The following SYT16 variants were observed in gnomAD, a reference collection of about 807,000 sequenced individuals.
SYT16 encodes synaptotagmin-16.
SYT16 carries 42 observed loss-of-function variants against 61.4 expected under a neutral mutation model. That is an observed-to-expected ratio of 0.68 (90% CI 0.53 to 0.89). The LOEUF (loss-of-function observed/expected upper bound fraction) is 0.89. SYT16 is among the 40% of genes least tolerant of loss of function. The pLI, the probability that SYT16 is intolerant of heterozygous loss-of-function variation, is 0.00. For synonymous variants in SYT16, 314 were observed against 302.3 expected (o/e 1.04, Z -0.40); for missense variants, 804 against 807.3 (o/e 1.00, Z 0.05).
intron 1 of SYT16, among the ~76,000 whole-genome samples, chr14:61,848,487 T>G (rs1594753288): frequency 6.6e-6 from 1 of 152,156 alleles, no homozygotes; most frequent in Admixed American, 6.5e-5. Context: ...TAAGCACCCC[T>G]GTGGCCACCA....
intron 1 of SYT16, among the ~76,000 whole-genome samples, chr14:61,887,935 A>G (rs2047971160): frequency 6.6e-6 from 1 of 152,146 alleles, no homozygotes; most frequent in South Asian, 2.1e-4. Context: ...TCTCCTTTGC[A>G]TTCACAACTT....
At chr14:61,982,233 C>G (rs2052110000) in intron 2 of SYT16, among the ~76,000 whole-genome samples, 2 of 152,090 alleles carry the variant, frequency 1.3e-5, no homozygotes, top group African/African-American at 4.8e-5. Flanking sequence ...TGCTTTTTGC[C>G]TGGTTGATAG....
chr14:61,879,874 T>A (rs1322303173), intron 1 of SYT16, among the ~76,000 whole-genome samples: 1 of 152,244 alleles, frequency 6.6e-6, no homozygotes, highest in African/African-American at 2.4e-5. Context: ...TTTGGATTTT[T>A]GTCCTTCTAC....
At chr14:61,931,364 C>CT (rs977636865) in intron 1 of SYT16, among the ~76,000 whole-genome samples, 7 of 151,730 alleles carry the variant, frequency 4.6e-5, no homozygotes, top group Admixed American at 1.3e-4. Flanking sequence ...CTCTTATTTT[C>CT]TTTTTTTTAA....
intron 7 of SYT16, among the ~76,000 whole-genome samples, chr14:62,085,017 T>C (rs1173087192): frequency 6.6e-6 from 1 of 152,226 alleles, no homozygotes; most frequent in African/African-American, 2.4e-5. Context: ...AATGCAGGAC[T>C]GGCTTTCTAG....
chr14:62,110,237 T>C lies in SYT16; in HGVS notation c.*9530T>C, dbSNP rs2057584001. 6.6e-6 allele frequency: 1 copy of C among 152,290 alleles called. No individual in the cohort carries two copies. Among genetic ancestry groups the C allele is most frequent in the Admixed American group, 6.5e-5 (1 of 15,294 alleles). The allele number at this position is 152,290 out of a possible 1,614,324, so 9.4% of individuals were successfully genotyped here. On this transcript the variant is annotated 3_prime_UTR_variant, in exon 8 of 8. Transcript: ENST00000683842. ...TTCCACTAATGAGCTCTAAAATGAA[T>C]ATCAAGTCACAATTTTTTCAAGCCT...
chr14:62,032,227 C>T (rs1432513153), intron 3 of SYT16, among the ~76,000 whole-genome samples: 1 of 152,092 alleles, frequency 6.6e-6, no homozygotes, highest in African/African-American at 2.4e-5. Context: ...TGATTGCTAG[C>T]ACCTGAACAT....
In SYT16 at chr14:62,047,517, T is replaced by C. The variant is rs973958204; in HGVS notation, c.524-22086T>C. Among the ~76,000 whole-genome samples, 30 of 152,278 alleles carry C rather than the reference T, an allele frequency of 2.0e-4. 1 individual carries two copies. The highest frequency in any genetic ancestry group is 5.8e-4 in the African/African-American group (24 of 41,556). On this transcript the variant is annotated intron_variant, in intron 3 of 7. Coordinates refer to ENST00000683842, the MANE Select transcript of SYT16 (RefSeq NM_001367656.1). ...CCAGAACTTCCAACACTATGTTGAA[T>C]AGGAGTGGTGAGAGAGGGCATCCCT...
chr14:61,859,538 CAG>C (rs1350942105), intron 1 of SYT16, among the ~76,000 whole-genome samples: 1 of 151,980 alleles, frequency 6.6e-6, no homozygotes, highest in Non-Finnish European at 1.5e-5. Context: ...TCTCTCTCGA[CAG>C]AGAGAGCTGT....
At chr14:62,023,535 G>A (rs1451140516) in intron 3 of SYT16, among the ~76,000 whole-genome samples, 3 of 152,038 alleles carry the variant, frequency 2.0e-5, no homozygotes, top group African/African-American at 7.2e-5. Flanking sequence ...CAGCTGCTTT[G>A]GCTGATTTTA....
At position 62,101,617 on chromosome 14, in the gene SYT16, C is replaced by A. The variant is rs2057420478; in HGVS notation, c.*910C>A. 1 of 152,116 alleles carries A rather than the reference C, an allele frequency of 6.6e-6. No homozygotes were observed. The highest frequency in any genetic ancestry group is 2.4e-5 in the African/African-American group (1 of 41,400). The allele number at this position is 152,116 out of a possible 1,614,324, so 9.4% of individuals were successfully genotyped here. A position where few individuals can be genotyped will look rare whatever the true frequency, so the allele number is the denominator to read the frequency against. On this transcript the variant is annotated 3_prime_UTR_variant, in exon 8 of 8. Transcript: ENST00000683842. Reference sequence around the variant, plus strand: ...ATATTTTGAATGTACTGCATGTAAACCATGCTCTTTTTAAACTGAGTATTT... The same window carrying A: ...ATATTTTGAATGTACTGCATGTAAAACATGCTCTTTTTAAACTGAGTATTT...
intron 1 of SYT16, among the ~76,000 whole-genome samples, chr14:61,924,607 C>T (rs2140412483): frequency 6.6e-6 from 1 of 152,254 alleles, no homozygotes; most frequent in South Asian, 2.1e-4. Flanking sequence ...GTGCTATCGG[C>T]TACATATTGC....
chr14:61,972,448 C>T (rs769287921), intron 2 of SYT16, among the ~76,000 whole-genome samples: 1 of 152,132 alleles, frequency 6.6e-6, no homozygotes, highest in Non-Finnish European at 1.5e-5. Flanking sequence ...GCTGTTCACT[C>T]AGGAAACACT....
At chr14:62,066,317 G>C (rs979300721) in intron 3 of SYT16, among the ~76,000 whole-genome samples, 4 of 152,188 alleles carry the variant, frequency 2.6e-5, no homozygotes, top group African/African-American at 9.7e-5. Flanking sequence ...CTTTAAATCA[G>C]ATCTTGGTTC....
intron 1 of SYT16, among the ~76,000 whole-genome samples, chr14:61,854,093 C>T (rs954723558): frequency 2.0e-4 from 31 of 152,106 alleles, no homozygotes; most frequent in Admixed American, 1.3e-3. Flanking sequence ...CACACCCCCA[C>T]CCCAATATGT....
rs1309408781 is a variant in SYT16, at chr14:62,110,327, TAGGA to T, written c.*9622_*9625del. 6.6e-6 allele frequency: 1 copy of T among 152,112 alleles called. No homozygotes were observed. The highest frequency in any genetic ancestry group is 1.5e-5 in the Non-Finnish European group (1 of 67,964). The allele number at this position is 152,112 out of a possible 1,614,324, so 9.4% of individuals were successfully genotyped here. A position where few individuals can be genotyped will look rare whatever the true frequency, so the allele number is the denominator to read the frequency against. On this transcript the variant is annotated 3_prime_UTR_variant, in exon 8 of 8. Coordinates refer to ENST00000683842, the MANE Select transcript of SYT16 (RefSeq NM_001367656.1). ...TTTACCTATTTTTACCAGGTGGTTGTAGGAACAGGATTCATTCATTCCTTCATTA... is the reference window on the plus strand; with the variant it reads ...TTTACCTATTTTTACCAGGTGGTTGTACAGGATTCATTCATTCCTTCATTA...
chr14:62,069,494 C>A, intron 3 of SYT16, 109 bp from the exon 4 acceptor site: 1 of 1,120,680 alleles, frequency 8.9e-7, no homozygotes, highest in Non-Finnish European at 1.3e-6. Flanking sequence ...AGTGTGCCTT[C>A]GTTCAAACTC....
chr14:62,015,580 C>T (rs2053639305), intron 3 of SYT16, among the ~76,000 whole-genome samples: 1 of 151,962 alleles, frequency 6.6e-6, no homozygotes, highest in South Asian at 2.1e-4. Flanking sequence ...AAACATAGTC[C>T]CCAGTATGAT....
intron 3 of SYT16, among the ~76,000 whole-genome samples, chr14:62,051,551 T>C (rs2055298580): frequency 1.3e-5 from 2 of 152,372 alleles, no homozygotes; most frequent in Admixed American, 6.5e-5. Context: ...ATCACCCGTC[T>C]TCTGCATCAG....
Sources: gnomAD v4.1 joint callset for allele counts (sites outside exome capture counted in the v4.1 genomes callset) on GRCh38, gnomAD v4.1.1 for gene constraint, MANE v1.5 for transcripts, NCBI Gene and HGNC (gene_info 2026-07-23, HGNC 2026-07-21) for gene names.